HS3ST2: variants seen among roughly 807,000 people sequenced by gnomAD.
HS3ST2 encodes heparan sulfate glucosamine 3-O-sulfotransferase 2.
A neutral mutation model predicts 26.3 loss-of-function variants in HS3ST2; 17 were observed. That is an observed-to-expected ratio of 0.65 (90% confidence interval 0.44 to 0.97). HS3ST2 has a LOEUF of 0.97. HS3ST2 is among the 50% of genes least tolerant of loss of function. The pLI, the probability that HS3ST2 is intolerant of heterozygous loss-of-function variation, is 0.00. For missense variants in HS3ST2, 402 were observed against 501.2 expected (o/e 0.80, Z 1.89); for synonymous variants, 237 against 219.2 (o/e 1.08, Z -0.72).
chr16:22,906,341 A>G (rs1902351845), intron 1 of HS3ST2, among the ~76,000 whole-genome samples: 2 of 125,606 alleles, frequency 1.6e-5, no homozygotes, highest in South Asian at 5.1e-4. Context: ...ACTGCACTCC[A>G]GCCTGGCGAC....
At chr16:22,861,288 C>A (rs935993257) in intron 1 of HS3ST2, among the ~76,000 whole-genome samples, 4 of 151,994 alleles carry the variant, frequency 2.6e-5, no homozygotes, top group Non-Finnish European at 4.4e-5. Context: ...AGACTCTACA[C>A]TTGTGGGCCC....
chr16:22,876,846 G>A (rs1901926377), intron 1 of HS3ST2, among the ~76,000 whole-genome samples: 4 of 152,240 alleles, frequency 2.6e-5, no homozygotes, highest in South Asian at 4.1e-4. Context: ...AGATGGAGTC[G>A]AAGGCCATTA....
At chr16:22,846,839 T>G (rs1439845536) in intron 1 of HS3ST2, among the ~76,000 whole-genome samples, 1 of 152,090 alleles carries the variant, frequency 6.6e-6, no homozygotes. Context: ...AAGGTGGTTA[T>G]GATGGTGGGG....
intron 1 of HS3ST2, among the ~76,000 whole-genome samples, chr16:22,829,964 T>C (rs1384001165): frequency 1.3e-5 from 2 of 151,942 alleles, no homozygotes; most frequent in Non-Finnish European, 2.9e-5. Context: ...GAAGCTGGGG[T>C]CTTAATAATT....
At chr16:22,868,074 C>T (rs9933179) in intron 1 of HS3ST2, among the ~76,000 whole-genome samples, 16,228 of 152,076 alleles carry the variant, frequency 0.11, 1,104 homozygotes, top group African/African-American at 0.18. Flanking sequence ...ATTACACATG[C>T]ACAAAAATTA....
chr16:22,857,148 T>A (rs927199194), intron 1 of HS3ST2, among the ~76,000 whole-genome samples: 2 of 152,122 alleles, frequency 1.3e-5, no homozygotes, highest in Non-Finnish European at 2.9e-5. Context: ...TTAAAAAAAA[T>A]CAGTTAGGTT....
chr16:22,913,260 T>A (rs1465549404), intron 1 of HS3ST2, among the ~76,000 whole-genome samples: 1 of 151,730 alleles, frequency 6.6e-6, no homozygotes, highest in Non-Finnish European at 1.5e-5. Context: ...AAGGGTCAAC[T>A]ATGACCTTCA....
chr16:22,865,434 T>C (rs1868856435), intron 1 of HS3ST2, among the ~76,000 whole-genome samples: 1 of 152,016 alleles, frequency 6.6e-6, no homozygotes, highest in African/African-American at 2.4e-5. Context: ...CGCATGCCTG[T>C]AATCCCAGCT....
intron 1 of HS3ST2, among the ~76,000 whole-genome samples, chr16:22,865,082 A>G (rs1343908597): frequency 6.6e-6 from 1 of 151,032 alleles, no homozygotes; most frequent in Non-Finnish European, 1.5e-5. Flanking sequence ...GAGGAAAAGA[A>G]AAAACCCTCA....
At chr16:22,908,801 C>T (rs1902386539) in intron 1 of HS3ST2, among the ~76,000 whole-genome samples, 1 of 152,150 alleles carries the variant, frequency 6.6e-6, no homozygotes, top group Admixed American at 6.6e-5. Flanking sequence ...CCCAATAGTA[C>T]CACGTTGAGG....
chr16:22,841,609 C>T (rs1329388074), intron 1 of HS3ST2, among the ~76,000 whole-genome samples: 2 of 152,202 alleles, frequency 1.3e-5, no homozygotes, highest in African/African-American at 4.8e-5. Context: ...CCCCCACCTA[C>T]CATGTGATTG....
intron 1 of HS3ST2, among the ~76,000 whole-genome samples, chr16:22,837,564 T>TAC (rs929656091): frequency 3.7e-5 from 5 of 136,168 alleles, no homozygotes; most frequent in Admixed American, 3.0e-4. Context: ...TGTATATATA[T>TAC]ACATATATAT....
chr16:22,820,388 G>A lies in HS3ST2; in HGVS notation c.485+5293G>A, dbSNP rs552582213. ...AGAACAGGCTTTCCCCAAAGCCTTAGTCTATTAATCCATTTTCACACTGCT... is the reference window on the plus strand; with the variant it reads ...AGAACAGGCTTTCCCCAAAGCCTTAATCTATTAATCCATTTTCACACTGCT... On this transcript the variant is annotated intron_variant, in intron 1 of 1. Transcript: ENST00000261374. Among the ~76,000 whole-genome samples, 4 of 152,334 alleles carry A rather than the reference G, an allele frequency of 2.6e-5. No homozygotes were observed. The South Asian group carries it at 8.3e-4, about 32-fold the overall frequency.
At chr16:22,816,149 T>C (rs1900864533) in intron 1 of HS3ST2, among the ~76,000 whole-genome samples, 1 of 152,172 alleles carries the variant, frequency 6.6e-6, no homozygotes, top group Non-Finnish European at 1.5e-5. Flanking sequence ...ATGTGGGTGG[T>C]GTAATGTCCC....
At chr16:22,879,757 T>C (rs1901963383) in intron 1 of HS3ST2, among the ~76,000 whole-genome samples, 1 of 152,068 alleles carries the variant, frequency 6.6e-6, no homozygotes, top group African/African-American at 2.4e-5. Flanking sequence ...AATCTGGAGG[T>C]ACCAACTCCA....
intron 1 of HS3ST2, among the ~76,000 whole-genome samples, chr16:22,898,454 T>G (rs760914563): frequency 2.6e-5 from 4 of 152,050 alleles, no homozygotes; most frequent in Non-Finnish European, 5.9e-5. Context: ...AGACTGACAT[T>G]TGAAAGTGGT....
chr16:22,842,785 C>G (rs1015771549), intron 1 of HS3ST2, among the ~76,000 whole-genome samples: 1 of 152,172 alleles, frequency 6.6e-6, no homozygotes, highest in Non-Finnish European at 1.5e-5. Flanking sequence ...CCTTTAGTCT[C>G]TCCGTGTTGA....
At chr16:22,866,367 T>TGC (rs1278726060) in intron 1 of HS3ST2, among the ~76,000 whole-genome samples, 1 of 102,706 alleles carries the variant, frequency 9.7e-6, no homozygotes, top group Non-Finnish European at 2.2e-5. Flanking sequence ...CAATATGGTG[T>TGC]GCGTGTGTGT....
intron 1 of HS3ST2, among the ~76,000 whole-genome samples, chr16:22,818,028 C>T (rs996950378): frequency 1.3e-5 from 2 of 152,204 alleles, no homozygotes; most frequent in East Asian, 1.9e-4. Flanking sequence ...GAACCACTCC[C>T]GTTCAGGCCA....
Sources: gnomAD v4.1 joint callset for allele counts (sites outside exome capture counted in the v4.1 genomes callset) on GRCh38, gnomAD v4.1.1 for gene constraint, MANE v1.5 for transcripts, NCBI Gene and HGNC (gene_info 2026-07-23, HGNC 2026-07-21) for gene names.